NAB1: variants seen among roughly 807,000 people sequenced by gnomAD.
NAB1 encodes NGFI-A binding protein 1.
NAB1 carries 25 observed loss-of-function variants against 49.9 expected under a neutral mutation model. That is an observed-to-expected ratio of 0.50 (90% confidence interval 0.37 to 0.70). The LOEUF is 0.70. Among genes scored for constraint, NAB1 ranks in the 30% least tolerant of loss-of-function variants. NAB1 has a pLI of 0.00. For missense variants in NAB1, 489 were observed against 575.9 expected, an observed-to-expected ratio of 0.85 and a Z score of 1.54; for synonymous variants, 198 against 215.6, an observed-to-expected ratio of 0.92 and a Z score of 0.71.
chr2:190,686,253 G>T lies in NAB1; in HGVS notation c.1258+615G>T, dbSNP rs1695601534. 6.6e-6 allele frequency among the ~76,000 whole-genome samples: 1 copy of T among 152,176 alleles called. No individual in the cohort carries two copies. Among genetic ancestry groups the T allele is most frequent in the South Asian group, 2.1e-4 (1 of 4,828 alleles). ...GCCAGGCACTCTCCTAGGCACTGAA[G>T]ATGCAGCAGGGAACAAATCCCTGTT... On this transcript the variant is annotated intron_variant, in intron 8 of 9. Coordinates refer to ENST00000337386, the MANE Select transcript of NAB1 (RefSeq NM_005966.4). This position sits in a 1 kb window ranked among gnomAD's most constrained non-coding sequence, Gnocchi z 5.5.
At chr2:190,655,681 A>G (rs1693882255) in intron 2 of NAB1, among the ~76,000 whole-genome samples, 4 of 152,240 alleles carry the variant, frequency 2.6e-5, no homozygotes, top group Admixed American at 2.0e-4. Context: ...CCTCTGTCCT[A>G]TCAAAAAATC....
rs1278092230 is a variant in NAB1, at chr2:190,678,498, G to T, written c.1006-5240G>T. Among the ~76,000 whole-genome samples the T allele has an allele frequency of 6.6e-6, 1 of 152,218 alleles. No individual in the cohort carries two copies. Among genetic ancestry groups the T allele is most frequent in the African/African-American group, 2.4e-5 (1 of 41,454 alleles). On this transcript the variant is annotated intron_variant, in intron 6 of 9. Transcript: ENST00000337386. This position sits in a 1 kb window ranked among gnomAD's most constrained non-coding sequence, Gnocchi z 4.9. ...GTTTTCTTCATTCGCTGAAATTGCT[G>T]GAGACTGGGCAGAGATGGGAAATGA...
rs545719395 is a variant in NAB1, at chr2:190,657,265, C to T, written c.-20+1112C>T. ...ATAGATTCTCCCTGGAGTGGGAGGA[C>T]AGGCAGAGCCTCCTTTAGGTGATTT... On this transcript the variant is annotated intron_variant, in intron 3 of 9. Transcript: ENST00000337386. The surrounding 1 kb of genome is among the most constrained non-coding windows in gnomAD (Gnocchi z 4.4). Among the ~76,000 whole-genome samples, 130 of 152,238 alleles carry T rather than the reference C, an allele frequency of 8.5e-4. 2 individuals carry two copies. Among genetic ancestry groups the T allele is most frequent in the African/African-American group, 3.0e-3 (123 of 41,536 alleles).
Position 190,682,404 on chromosome 2 carries a change from C to T in NAB1, c.1006-1334C>T, listed in dbSNP as rs928538481. Among the ~76,000 whole-genome samples, 8 of 152,112 alleles carry T rather than the reference C, an allele frequency of 5.3e-5. No individual in the cohort carries two copies. The highest frequency in any genetic ancestry group is 1.0e-4 in the Non-Finnish European group (7 of 68,018). On this transcript the variant is annotated intron_variant, in intron 6 of 9. Transcript: ENST00000337386. This position sits in a 1 kb window ranked among gnomAD's most constrained non-coding sequence, Gnocchi z 4.1. ...AGCTAGTGAGTGGTGACAGGCCTTTCGAATTCCAAAGCTCCATTTCCTGTC... is the reference window on the plus strand; with the variant it reads ...AGCTAGTGAGTGGTGACAGGCCTTTTGAATTCCAAAGCTCCATTTCCTGTC...
rs1559223284 is a variant in NAB1, at chr2:190,654,918, T to C, written c.-196-1059T>C. On this transcript the variant is annotated intron_variant, in intron 2 of 9. Transcript: ENST00000337386. This position sits in a 1 kb window ranked among gnomAD's most constrained non-coding sequence, Gnocchi z 5.6. ...GGTGCAACTGAAAGAACTAAGAGAG[T>C]TGGAAAGAGTAGACTTGGGAATCTG... Among the ~76,000 whole-genome samples the C allele has an allele frequency of 2.0e-5, 3 of 151,686 alleles. No individual in the cohort carries two copies. The highest frequency in any genetic ancestry group is 6.6e-5 in the Admixed American group (1 of 15,242).
Position 190,686,193 on chromosome 2 carries a change from C to T in NAB1, c.1258+555C>T, listed in dbSNP as rs1398614055. ...CCCAAGTCATTGTTATTCACCCAACCAACAGGCATTTTATTTTTTTAGCAA... is the reference window on the plus strand; with the variant it reads ...CCCAAGTCATTGTTATTCACCCAACTAACAGGCATTTTATTTTTTTAGCAA... On this transcript the variant is annotated intron_variant, in intron 8 of 9. Transcript: ENST00000337386. The surrounding 1 kb of genome is among the most constrained non-coding windows in gnomAD (Gnocchi z 5.5). Among the ~76,000 whole-genome samples the T allele has an allele frequency of 1.3e-5, 2 of 152,142 alleles. No individual in the cohort carries two copies. The highest frequency in any genetic ancestry group is 3.8e-4 in the East Asian group (2 of 5,202).
chr2:190,683,267 A>G (rs1695439380), intron 6 of NAB1, among the ~76,000 whole-genome samples: 1 of 123,132 alleles, frequency 8.1e-6, no homozygotes, highest in Non-Finnish European at 1.7e-5. Context: ...AGTAGCTGTG[A>G]TTTCTGGCGT....
rs1695379108 is a variant in NAB1, at chr2:190,682,128, G to C, written c.1006-1610G>C. Among the ~76,000 whole-genome samples the C allele has an allele frequency of 6.6e-6, 1 of 152,160 alleles. No homozygotes were observed. Among genetic ancestry groups the C allele is most frequent in the Admixed American group, 6.5e-5 (1 of 15,276 alleles). ...TTGAAAAAAGTAGGTGGAATACCAA[G>C]TATAAAATGGAAGTAATTTAAGTTG... On this transcript the variant is annotated intron_variant, in intron 6 of 9. Transcript: ENST00000337386. This position sits in a 1 kb window ranked among gnomAD's most constrained non-coding sequence, Gnocchi z 4.1.
At chr2:190,687,138 A>G in intron 8 of NAB1, 63 bp from the exon 9 acceptor site, 1 of 1,101,808 alleles carries the variant, frequency 9.1e-7, no homozygotes, top group Non-Finnish European at 1.2e-6. Flanking sequence ...GGCAAAATTT[A>G]TTTTTAAGAA....
rs1042737081 is a variant in NAB1 at position 190,674,694 on chromosome 2, A to G, written c.1005+1542A>G. On this transcript the variant is annotated intron_variant, in intron 6 of 9. Transcript: ENST00000337386. The surrounding 1 kb of genome is among the most constrained non-coding windows in gnomAD (Gnocchi z 5.7). ...AGCATCTTTGACTTATAAACACTTT[A>G]TCTGAAAGCAGTGGTTCTCAAGGAA... Among the ~76,000 whole-genome samples, 1 of 152,214 alleles carries G rather than the reference A, an allele frequency of 6.6e-6. No homozygotes were observed. The highest frequency in any genetic ancestry group is 2.4e-5 in the African/African-American group (1 of 41,452).
chr2:190,664,931 G>A (rs1337496022), intron 4 of NAB1, among the ~76,000 whole-genome samples: 1 of 151,352 alleles, frequency 6.6e-6, no homozygotes, highest in African/African-American at 2.4e-5. Context: ...TATTTTATTT[G>A]TATCTCCCCT....
chr2:190,691,050 G>A lies in NAB1; in HGVS notation c.*717G>A, dbSNP rs1695918058. On this transcript the variant is annotated 3_prime_UTR_variant, in exon 10 of 10. Transcript: ENST00000337386. This position sits in a 1 kb window ranked among gnomAD's most constrained non-coding sequence, Gnocchi z 4.1. ...GTAGAAAATATATCTTAAACTAGTT[G>A]ACCTAGATTGTATTAATAGCTACTT... 6.6e-6 allele frequency: 1 copy of A among 152,542 alleles called. No homozygotes were observed. The allele number at this position is 152,542 out of a possible 1,614,324, so 9.4% of individuals were successfully genotyped here.
chr2:190,688,003 T>C (rs1421725147), intron 9 of NAB1, among the ~76,000 whole-genome samples: 4 of 152,228 alleles, frequency 2.6e-5, no homozygotes, highest in South Asian at 2.1e-4. Flanking sequence ...CATAAAAGGA[T>C]GAGCAGCTCC....
At position 190,659,129 on chromosome 2, in the gene NAB1, GT is replaced by G. The variant is rs2125611836; in HGVS notation, c.-19-24del. On this transcript the variant is annotated intron_variant, in intron 3 of 9. Coordinates refer to ENST00000337386, the MANE Select transcript of NAB1 (RefSeq NM_005966.4). The surrounding 1 kb of genome is among the most constrained non-coding windows in gnomAD (Gnocchi z 6.2). Reference sequence around the variant, plus strand: ...AAGGAGTTTGAAGCAAGTATGATGAGTTTTTACTTTTTTTTTTTTTTTTGGC... The same window carrying G: ...AAGGAGTTTGAAGCAAGTATGATGAGTTTTACTTTTTTTTTTTTTTTTGGC... 4 of 1,392,818 alleles carry G rather than the reference GT, an allele frequency of 2.9e-6. No individual in the cohort carries two copies. In the South Asian group the frequency reaches 5.4e-5, roughly 19 times the overall value. The allele number at this position is 1,392,818 out of a possible 1,614,324, so 86.3% of individuals were successfully genotyped here.
intron 5 of NAB1, among the ~76,000 whole-genome samples, chr2:190,672,470 T>G (rs1694862090): frequency 6.6e-6 from 1 of 152,162 alleles, no homozygotes; most frequent in Non-Finnish European, 1.5e-5. Flanking sequence ...TAGGTACCAC[T>G]GGGATAGGTT....
At chr2:190,655,945 T>G (rs1281397318) in intron 2 of NAB1, 32 bp from the exon 3 acceptor site, 1 of 152,258 alleles carries the variant, frequency 6.6e-6, no homozygotes, top group Non-Finnish European at 1.5e-5. Flanking sequence ...TTAATTCCTC[T>G]TCCCCTAACA....
intron 5 of NAB1, among the ~76,000 whole-genome samples, chr2:190,671,405 G>T (rs151323372): frequency 7.9e-5 from 12 of 151,968 alleles, no homozygotes; most frequent in Admixed American, 7.9e-4. Flanking sequence ...CAGTACCTAC[G>T]TATTTATAAC....
intron 4 of NAB1, among the ~76,000 whole-genome samples, chr2:190,662,671 C>T (rs1234364242): frequency 6.6e-6 from 1 of 152,068 alleles, no homozygotes; most frequent in Non-Finnish European, 1.5e-5. Context: ...GAGGAGAGAG[C>T]AACTAAAACT....
intron 4 of NAB1, among the ~76,000 whole-genome samples, chr2:190,664,723 C>T (rs1483809597): frequency 6.6e-6 from 1 of 150,758 alleles, no homozygotes; most frequent in African/African-American, 2.4e-5. Context: ...TGAGCCACCA[C>T]ACCTGGTCTA....
Sources: allele counts gnomAD v4.1 joint callset (sites outside exome capture counted in the v4.1 genomes callset), GRCh38; gene constraint gnomAD v4.1.1; non-coding constraint Gnocchi (gnomAD v3.1); transcripts MANE v1.5; gene names NCBI Gene and HGNC (gene_info 2026-07-23, HGNC 2026-07-21).